The following GPBP1L1 variants were observed in gnomAD, a reference collection of about 807,000 sequenced individuals.
The protein encoded by GPBP1L1 is vasculin-like protein 1.
A neutral mutation model predicts 52.5 loss-of-function variants in GPBP1L1; 23 were observed. The observed-to-expected ratio is 0.44, with a 90% CI of 0.32 to 0.62. The LOEUF (loss-of-function observed/expected upper bound fraction) is 0.62, where lower values mean the gene tolerates loss of function less well. Ranked by LOEUF, GPBP1L1 falls within the 20% of genes least tolerant of loss-of-function variation. The pLI, the probability that GPBP1L1 is intolerant of heterozygous loss-of-function variation, is 0.06. For synonymous variants in GPBP1L1, 243 were observed against 203.1 expected (o/e 1.20, Z -1.67); for missense variants, 596 against 579.3 (o/e 1.03, Z -0.30).
intron 2 of GPBP1L1, among the ~76,000 whole-genome samples, chr1:45,661,802 A>T (rs1553182749): frequency 6.6e-6 from 1 of 152,098 alleles, no homozygotes; most frequent in South Asian, 2.1e-4. Flanking sequence ...ACACTTTGAG[A>T]GGCCAAATTT....
chr1:45,651,585 G>A, intron 6 of GPBP1L1: 1 of 653,872 alleles, frequency 1.5e-6, no homozygotes, highest in Non-Finnish European at 2.8e-6. Context: ...TGGATGAACT[G>A]GTTAATCGCA....
Position 45,659,044 on chromosome 1 carries a change from G to A in GPBP1L1, c.44C>T (p.Thr15Ile). The A allele has an allele frequency of 1.2e-6, 2 of 1,611,152 alleles. No individual in the cohort carries two copies. The highest frequency in any genetic ancestry group is 1.3e-5 in the African/African-American group (1 of 74,988). ...GAACAGTACCTTAGCTGACTGTGGT[G>A]TTGAGAAATTTAGCCAAGCAGGAAC... ...DFVPAWLNFS[T>I]PQSAKSPTAT... The change falls in exon 4 of 13, where the codon ACA (threonine) becomes ATA (isoleucine). Residue 15 changes from threonine to isoleucine, a missense_variant. By Grantham distance (89) the Thr-to-Ile change is moderately conservative. Transcript: ENST00000355105.
chr1:45,666,228 C>T (rs930861155), intron 2 of GPBP1L1, among the ~76,000 whole-genome samples: 1 of 152,048 alleles, frequency 6.6e-6, no homozygotes, highest in Non-Finnish European at 1.5e-5. Flanking sequence ...CTGCAACCTC[C>T]ATCCCCCAGG....
rs1241987300 is a variant in GPBP1L1 at position 45,655,311 on chromosome 1, A to G, written c.69T>C (p.Thr23=). The change falls in exon 5 of 13, where the codon ACT becomes ACC. Residue 23 remains threonine, a synonymous_variant. Coordinates refer to ENST00000355105, the MANE Select transcript of GPBP1L1 (RefSeq NM_021639.5). ...GCTCTCCGTGTTTTTCGAAGGTGGCAGTAGGTGACTAAGATGATGAAGTAT... is the reference window on the plus strand; with the variant it reads ...GCTCTCCGTGTTTTTCGAAGGTGGCGGTAGGTGACTAAGATGATGAAGTAT... ...FSTPQSAKSP[T]ATFEKHGEHL... is the part of the protein sequence containing the mutation. 3 of 1,614,134 alleles carry G rather than the reference A, an allele frequency of 1.9e-6. No individual in the cohort carries two copies. The highest frequency in any genetic ancestry group is 2.5e-6 in the Non-Finnish European group (3 of 1,179,960).
intron 2 of GPBP1L1, among the ~76,000 whole-genome samples, chr1:45,676,312 T>C (rs1645138339): frequency 6.6e-6 from 1 of 151,978 alleles, no homozygotes; most frequent in African/African-American, 2.4e-5. Flanking sequence ...ATTAAGAAAA[T>C]ACTTGGGGCT....
intron 2 of GPBP1L1, among the ~76,000 whole-genome samples, chr1:45,664,034 TAAA>T (rs1047471154): frequency 6.6e-6 from 1 of 151,514 alleles, no homozygotes; most frequent in African/African-American, 2.4e-5. Context: ...CTGAGCTAAT[TAAA>T]AAAAAATTTC....
intron 4 of GPBP1L1, chr1:45,656,252 A>C (rs1644883197): frequency 6.6e-6 from 1 of 152,244 alleles, no homozygotes; most frequent in African/African-American, 2.4e-5. Flanking sequence ...ATTATTATAG[A>C]TGAACTCTAA....
chr1:45,669,541 T>C (rs1191280488), intron 2 of GPBP1L1, among the ~76,000 whole-genome samples: 2 of 152,216 alleles, frequency 1.3e-5, no homozygotes, highest in African/African-American at 2.4e-5. Context: ...ATAAACAAAG[T>C]GACTTTAAGT....
At chr1:45,631,939 G>A (rs928351493) in intron 10 of GPBP1L1, among the ~76,000 whole-genome samples, 38 of 151,770 alleles carry the variant, frequency 2.5e-4, no homozygotes, top group African/African-American at 9.0e-4. Flanking sequence ...AAATATGGCC[G>A]GCTGGGCATG....
chr1:45,683,854 G>A (rs982789884), intron 2 of GPBP1L1, among the ~76,000 whole-genome samples: 1 of 152,010 alleles, frequency 6.6e-6, no homozygotes, highest in African/African-American at 2.4e-5. Context: ...CCTGAGAGGT[G>A]GAGGCTGCAG....
At chr1:45,671,475 G>T (rs553486575) in intron 2 of GPBP1L1, among the ~76,000 whole-genome samples, 2 of 152,216 alleles carry the variant, frequency 1.3e-5, no homozygotes, top group East Asian at 1.9e-4. Flanking sequence ...CAAAATGCTG[G>T]GATTACAGGC....
chr1:45,673,669 G>C (rs1023374191), intron 2 of GPBP1L1, among the ~76,000 whole-genome samples: 6 of 152,130 alleles, frequency 3.9e-5, no homozygotes, highest in Non-Finnish European at 5.9e-5. Context: ...AGACCAACCT[G>C]ACCAATATGG....
chr1:45,648,577 A>C (rs145740249), intron 6 of GPBP1L1, among the ~76,000 whole-genome samples: 101 of 152,308 alleles, frequency 6.6e-4, no homozygotes, highest in African/African-American at 2.3e-3. Context: ...CACAAATGCT[A>C]GTATTAACCA....
chr1:45,635,398 T>C (rs1032161640), intron 8 of GPBP1L1: 36 of 152,304 alleles, frequency 2.4e-4, no homozygotes, highest in African/African-American at 7.7e-4. Context: ...CTCTCAAAGA[T>C]GATTTGTGGC....
At position 45,628,346 on chromosome 1, in the gene GPBP1L1, G is replaced by T; in HGVS notation, c.1335C>A (p.Ser445=). ...CTGCTTTGCAAGTGCTTCTCCAAGGGGAGAACAGACTGGAACTGCGGCTCT... is the reference window on the plus strand; with the variant it reads ...CTGCTTTGCAAGTGCTTCTCCAAGGTGAGAACAGACTGGAACTGCGGCTCT... ...FLQSRSSSLF[S]PWRSTCKAEF... Residue 445 remains serine, a synonymous_variant, in exon 13 of 13, where the codon TCC becomes TCA. Coordinates refer to ENST00000355105, the MANE Select transcript of GPBP1L1 (RefSeq NM_021639.5). 2 of 1,614,038 alleles carry T rather than the reference G, an allele frequency of 1.2e-6. No homozygotes were observed. Among genetic ancestry groups the T allele is most frequent in the Non-Finnish European group, 1.7e-6 (2 of 1,180,004 alleles).
chr1:45,629,735 C>T (rs1461854723), intron 11 of GPBP1L1, 57 bp from the exon 12 acceptor site: 2 of 1,112,386 alleles, frequency 1.8e-6, no homozygotes, highest in East Asian at 4.7e-5. Flanking sequence ...CCTAAGTGAA[C>T]AGCCCACCAC....
intron 2 of GPBP1L1, among the ~76,000 whole-genome samples, 152 bp downstream of exon 2, chr1:45,685,424 T>C: frequency 6.6e-6 from 1 of 152,138 alleles, no homozygotes; most frequent in East Asian, 1.9e-4. Flanking sequence ...TTTCAACAAA[T>C]ATGACAAGCC....
At chr1:45,636,290 G>GT (rs1229646847) in intron 8 of GPBP1L1, among the ~76,000 whole-genome samples, 1 of 152,102 alleles carries the variant, frequency 6.6e-6, no homozygotes, top group Non-Finnish European at 1.5e-5. Context: ...TTCAATGGAT[G>GT]TAAGTATACT....
intron 11 of GPBP1L1, among the ~76,000 whole-genome samples, chr1:45,630,215 T>C (rs1241382952): frequency 6.6e-6 from 1 of 152,178 alleles, no homozygotes; most frequent in Admixed American, 6.5e-5. Context: ...CCTCCCAAAG[T>C]GCTGGGATTA....
Sources: gnomAD v4.1 joint callset for allele counts (sites outside exome capture counted in the v4.1 genomes callset) on GRCh38, gnomAD v4.1.1 for gene constraint, MANE v1.5 for transcripts, NCBI Gene and HGNC (gene_info 2026-07-23, HGNC 2026-07-21) for gene names.